Variants in WLS observed in about 807,000 individuals in gnomAD.
The protein encoded by WLS is protein wntless homolog.
In WLS, 23 loss-of-function variants were observed where a neutral mutation model predicts 62.8. The ratio of observed to expected loss-of-function variants is 0.37; its 90% CI spans 0.26 to 0.52. The LOEUF is 0.52. Among genes scored for constraint, WLS ranks in the 20% least tolerant of loss-of-function variants. The pLI, the probability that WLS is intolerant of heterozygous loss-of-function variation, is 0.92. For synonymous variants in WLS, 246 were observed against 244.1 expected, an observed-to-expected ratio of 1.01 and a Z score of -0.07; for missense variants, 615 against 697.3, an observed-to-expected ratio of 0.88 and a Z score of 1.33.
At chr1:68,187,659 T>C (rs1297448587) in intron 2 of WLS, among the ~76,000 whole-genome samples, 1 of 152,164 alleles carries the variant, frequency 6.6e-6, no homozygotes, top group Non-Finnish European at 1.5e-5. Flanking sequence ...TAAAATCATT[T>C]TATTCACACT....
At chr1:68,157,071 C>T (rs1488693754) in intron 3 of WLS, among the ~76,000 whole-genome samples, 1 of 152,206 alleles carries the variant, frequency 6.6e-6, no homozygotes, top group Non-Finnish European at 1.5e-5. Context: ...GGGAGAAGGA[C>T]ATGGGCCCTG....
At chr1:68,122,451 GAAC>G (rs1646375081), downstream of WLS, among the ~76,000 whole-genome samples, 1 of 152,138 alleles carries the variant, frequency 6.6e-6, no homozygotes, top group South Asian at 2.1e-4. Context: ...TTTCTTGTAG[GAAC>G]AATACATAGT....
At chr1:68,231,167 G>A (rs907333056) in intron 1 of WLS, among the ~76,000 whole-genome samples, 1 of 152,154 alleles carries the variant, frequency 6.6e-6, no homozygotes, top group African/African-American at 2.4e-5. Context: ...GCGGGAGGAT[G>A]GATGCAGATG....
chr1:68,141,885 A>C (rs1414530446), intron 10 of WLS: 1 of 152,156 alleles, frequency 6.6e-6, no homozygotes, highest in East Asian at 1.9e-4. Context: ...TCTTAGAAAA[A>C]AAACCCAGCA....
At chr1:68,150,421 C>T (rs931652574) in intron 5 of WLS, 65 bp from the exon 6 acceptor site, 1 of 1,588,698 alleles carries the variant, frequency 6.3e-7, no homozygotes, top group Non-Finnish European at 8.6e-7. Context: ...TCAAACAATT[C>T]CCCGAATTCA....
chr1:68,209,512 C>A (rs1359053496), intron 1 of WLS, among the ~76,000 whole-genome samples: 1 of 152,214 alleles, frequency 6.6e-6, no homozygotes, highest in African/African-American at 2.4e-5. Flanking sequence ...GGCACGTTGG[C>A]TCGTGCCTGT....
chr1:68,111,306 G>T (rs1433396865), intron 11 of WLS, among the ~76,000 whole-genome samples: 1 of 152,180 alleles, frequency 6.6e-6, no homozygotes, highest in African/African-American at 2.4e-5. Context: ...AATAACTAAG[G>T]CTGGGAGAAA....
At chr1:68,227,638 A>C (rs1650218986) in intron 1 of WLS, among the ~76,000 whole-genome samples, 1 of 152,136 alleles carries the variant, frequency 6.6e-6, no homozygotes, top group Admixed American at 6.5e-5. Context: ...AAACCACATT[A>C]GATACTTCTA....
intron 4 of WLS, among the ~76,000 whole-genome samples, chr1:68,154,843 C>G (rs1219266878): frequency 6.6e-6 from 1 of 152,202 alleles, no homozygotes; most frequent in East Asian, 1.9e-4. Context: ...GCAATCATGA[C>G]TATTTCATGA....
chr1:68,194,792 T>C (rs1648572862), intron 1 of WLS, among the ~76,000 whole-genome samples: 2 of 152,184 alleles, frequency 1.3e-5, no homozygotes, highest in Admixed American at 1.3e-4. Context: ...GGACACCAGT[T>C]AGCTTGGTAC....
chr1:68,123,264 C>T (rs1646385515), downstream of WLS, among the ~76,000 whole-genome samples: 2 of 152,204 alleles, frequency 1.3e-5, no homozygotes, highest in Non-Finnish European at 2.9e-5. Flanking sequence ...ATCCAAGAGA[C>T]TTGGATCCTT....
At chr1:68,197,816 G>A (rs35307984) in intron 1 of WLS, among the ~76,000 whole-genome samples, 10,782 of 152,202 alleles carry the variant, frequency 0.071, 397 homozygotes, top group East Asian at 0.13. Flanking sequence ...TGATCTGTCT[G>A]TAAATTTTTT....
At chr1:68,109,063 A>G (rs186615263) in intron 11 of WLS, among the ~76,000 whole-genome samples, 207 of 152,376 alleles carry the variant, frequency 1.4e-3, no homozygotes, top group Non-Finnish European at 2.0e-3. Flanking sequence ...GTTATGTACC[A>G]CTTATGCACT....
intron 1 of WLS, among the ~76,000 whole-genome samples, chr1:68,214,376 T>A (rs1649647287): frequency 2.0e-5 from 3 of 152,160 alleles, no homozygotes; most frequent in Admixed American, 6.5e-5. Context: ...ACTCCTTTTT[T>A]TTTTTTGAGA....
intron 11 of WLS, among the ~76,000 whole-genome samples, chr1:68,113,404 T>TC (rs1364873487): frequency 1.3e-5 from 2 of 152,168 alleles, no homozygotes; most frequent in African/African-American, 2.4e-5. Flanking sequence ...ATCTACTCAT[T>TC]CCCCAGGTAA....
intron 1 of WLS, among the ~76,000 whole-genome samples, chr1:68,214,336 CT>C (rs1377952442): frequency 6.6e-6 from 1 of 151,592 alleles, no homozygotes; most frequent in African/African-American, 2.4e-5. Context: ...CAAATACACT[CT>C]GCAATGCAGC....
intron 2 of WLS, among the ~76,000 whole-genome samples, chr1:68,159,569 G>A (rs1482549258): frequency 6.6e-6 from 1 of 152,124 alleles, no homozygotes; most frequent in Non-Finnish European, 1.5e-5. Flanking sequence ...TCCTAGGTCT[G>A]CCTGTAGAAG....
intron 11 of WLS, among the ~76,000 whole-genome samples, chr1:68,135,664 T>C (rs570529355): frequency 4.6e-5 from 7 of 152,348 alleles, no homozygotes; most frequent in African/African-American, 1.4e-4. Flanking sequence ...CAGCCATTGC[T>C]TTAAGTGGTA....
chr1:68,162,277 C>T (rs1808597), intron 2 of WLS: 283,647 of 1,594,118 alleles, frequency 0.18, 27,627 homozygotes, highest in East Asian at 0.38. Context: ...CAGGCCACCA[C>T]GGGGTGCGTT....
Sources: allele counts gnomAD v4.1 joint callset (sites outside exome capture counted in the v4.1 genomes callset), GRCh38; gene constraint gnomAD v4.1.1; transcripts MANE v1.5; gene names NCBI Gene and HGNC (gene_info 2026-07-23, HGNC 2026-07-21).